The following ESR1 variants were observed in gnomAD, a reference collection of about 807,000 sequenced individuals.
ESR1 encodes estrogen receptor.
A neutral mutation model predicts 52.7 loss-of-function variants in ESR1; 12 were observed. The observed-to-expected ratio is 0.23, with a 90% CI of 0.15 to 0.37. ESR1 has a LOEUF of 0.37. Ranked by LOEUF, ESR1 falls within the 10% of genes least tolerant of loss-of-function variation. The pLI is 1.00. For synonymous variants in ESR1, 305 were observed against 316.8 expected (o/e 0.96, Z 0.39); for missense variants, 584 against 779.7 (o/e 0.75, Z 2.99).
At chr6:151,824,214 G>C (rs1278953223) in intron 1 of ESR1, among the ~76,000 whole-genome samples, 1 of 152,024 alleles carries the variant, frequency 6.6e-6, no homozygotes, top group Non-Finnish European at 1.5e-5. Flanking sequence ...GCATTTCTCT[G>C]ATGGCCAGTG....
intron 1 of ESR1, among the ~76,000 whole-genome samples, chr6:151,829,828 A>G (rs1782105439): frequency 6.6e-6 from 1 of 152,200 alleles, no homozygotes. Context: ...TGTTATTGGC[A>G]GCTTTCTGTT....
chr6:151,941,570 A>C (rs2035066333), intron 3 of ESR1, among the ~76,000 whole-genome samples: 1 of 151,908 alleles, frequency 6.6e-6, no homozygotes, highest in South Asian at 2.1e-4. Flanking sequence ...TAATGTTTCA[A>C]ATAGAAGATG....
chr6:151,800,344 T>C (rs1470027439), upstream of ESR1, among the ~76,000 whole-genome samples: 1 of 152,070 alleles, frequency 6.6e-6, no homozygotes, highest in African/African-American at 2.4e-5. Context: ...GACTAAACAC[T>C]AAGCCCCTGA....
At chr6:151,776,925 T>G (rs1305935181) in intron 2 of ESR1, among the ~76,000 whole-genome samples, 1 of 151,290 alleles carries the variant, frequency 6.6e-6, no homozygotes, top group African/African-American at 2.4e-5. Flanking sequence ...TAGGGAGATA[T>G]ACGTGAGTTT....
intron 2 of ESR1, among the ~76,000 whole-genome samples, chr6:151,858,621 A>G (rs1788320861): frequency 6.6e-6 from 1 of 151,614 alleles, no homozygotes; most frequent in Admixed American, 6.6e-5. Context: ...CTGTGAATTA[A>G]AATAGTACTT....
At chr6:151,957,659 A>C (rs1320910697) in intron 4 of ESR1, among the ~76,000 whole-genome samples, 2 of 99,880 alleles carry the variant, frequency 2.0e-5, no homozygotes, top group African/African-American at 5.6e-5. Context: ...CTACAAGCTT[A>C]AAGTAGTTAT....
chr6:151,775,667 A>AC (rs1562395940), intron 2 of ESR1, among the ~76,000 whole-genome samples: 1 of 150,622 alleles, frequency 6.6e-6, no homozygotes, highest in African/African-American at 2.5e-5. Flanking sequence ...AATGGCGTGA[A>AC]CCCGGGAGGC....
rs569112109 is a variant in ESR1 at position 152,076,287 on chromosome 6, C to T, written c.1369+15163C>T. ...CAGGGGTTTCCACTTTTATATCTTC[C>T]TCATTTTTTCTCTTGCCACCACCAT... On this transcript the variant is annotated intron_variant, in intron 6 of 7. Coordinates refer to ENST00000206249, the MANE Select transcript of ESR1 (RefSeq NM_000125.4). Among the ~76,000 whole-genome samples, 7 of 152,226 alleles carry T rather than the reference C, an allele frequency of 4.6e-5. No individual in the cohort carries two copies. The East Asian group carries it at 7.7e-4, about 17-fold the overall frequency.
intron 2 of ESR1, among the ~76,000 whole-genome samples, chr6:151,877,371 G>A (rs976658875): frequency 2.0e-5 from 3 of 152,162 alleles, no homozygotes; most frequent in Admixed American, 2.0e-4. Context: ...CTTAGAAATA[G>A]TTGTTAATAG....
exon 7 of ESR1, chr6:152,125,809 A>G (rs905110687): frequency 6.5e-6 from 1 of 153,344 alleles, no homozygotes; most frequent in African/African-American, 2.4e-5. Flanking sequence ...TCTTTGTGCA[A>G]TTAGGTCAAA....
chr6:151,880,687 C>G lies in ESR1; in HGVS notation c.676C>G (p.Gln226Glu), dbSNP rs1015057652. The G allele has an allele frequency of 5.0e-6, 8 of 1,612,164 alleles. No individual in the cohort carries two copies. The highest frequency in any genetic ancestry group is 6.8e-6 in the Non-Finnish European group (8 of 1,178,318). ...HNDYMCPATN[Q>E]CTIDKNRRKS... is the part of the protein sequence containing the mutation. ...CGACTATATGTGTCCAGCCACCAAC[C>G]AGTGCACCATTGATAAAAACAGGAG... Residue 226 changes from glutamine (Q) to glutamate (E), a missense_variant, in exon 3 of 8, where the codon CAG becomes GAG. Around this residue, in one of 6 missense-constraint regions of ESR1, gnomAD observed 25 missense variants for 53.0 expected, o/e 0.47. Coordinates refer to ENST00000206249, the MANE Select transcript of ESR1 (RefSeq NM_000125.4).
chr6:151,829,798 A>T (rs1228614115), intron 1 of ESR1, among the ~76,000 whole-genome samples: 1 of 152,194 alleles, frequency 6.6e-6, no homozygotes, highest in African/African-American at 2.4e-5. Context: ...GGGTTCGGTG[A>T]CTTGTTTAAG....
At chr6:151,796,904 G>A (rs768008885) in intron 2 of ESR1, among the ~76,000 whole-genome samples, 2 of 152,176 alleles carry the variant, frequency 1.3e-5, no homozygotes, top group South Asian at 4.1e-4. Context: ...GAAAGAGGCC[G>A]AGCCAATCTA....
chr6:152,116,962 C>G (rs927678939), intron 6 of ESR1, among the ~76,000 whole-genome samples: 1 of 152,124 alleles, frequency 6.6e-6, no homozygotes. Flanking sequence ...TTACTGCTTG[C>G]TATCATGGCC....
chr6:151,857,533 C>CT (rs1200442633), intron 2 of ESR1, among the ~76,000 whole-genome samples: 5 of 151,192 alleles, frequency 3.3e-5, no homozygotes, highest in African/African-American at 9.7e-5. Context: ...ACTTTTTTTT[C>CT]TTTTTTTTAA....
intron 4 of ESR1, among the ~76,000 whole-genome samples, chr6:151,974,300 A>G (rs1160128938): frequency 6.6e-6 from 1 of 152,208 alleles, no homozygotes; most frequent in African/African-American, 2.4e-5. Flanking sequence ...GCACTTGGCT[A>G]AGCACTTTAC....
chr6:151,778,357 T>C (rs965021060), intron 2 of ESR1, among the ~76,000 whole-genome samples: 3 of 152,144 alleles, frequency 2.0e-5, no homozygotes, highest in African/African-American at 7.2e-5. Flanking sequence ...TTAATGCCAT[T>C]ACTTAAAAAT....
At chr6:152,052,476 A>G (rs1422180956) in intron 5 of ESR1, among the ~76,000 whole-genome samples, 1 of 152,216 alleles carries the variant, frequency 6.6e-6, no homozygotes, top group African/African-American at 2.4e-5. Context: ...AAATAAATAA[A>G]TAAATACAGT....
chr6:151,768,703 A>G (rs1218701514), intron 2 of ESR1, among the ~76,000 whole-genome samples: 1 of 152,248 alleles, frequency 6.6e-6, no homozygotes, highest in Non-Finnish European at 1.5e-5. Context: ...AGATGACAGG[A>G]TAATAAAGCA....
Sources: gnomAD v4.1 joint callset for allele counts (sites outside exome capture counted in the v4.1 genomes callset) on GRCh38, gnomAD v4.1.1 for gene constraint, gnomAD v4.1.1 regional missense constraint, MANE v1.5 for transcripts, NCBI Gene and HGNC (gene_info 2026-07-23, HGNC 2026-07-21) for gene names.